The following CNTN5 variants were observed in gnomAD, a reference collection of about 807,000 sequenced individuals.
CNTN5 encodes the protein contactin 5.
Under a neutral mutation model 129.1 loss-of-function variants are expected in CNTN5, and 77 were observed. The ratio of observed to expected loss-of-function variants is 0.60; its 90% CI spans 0.50 to 0.72. The LOEUF (loss-of-function observed/expected upper bound fraction) is 0.72. CNTN5 is among the 30% of genes least tolerant of loss of function. The pLI is 0.00. For missense variants in CNTN5, 1,478 were observed against 1,328.8 expected, an observed-to-expected ratio of 1.11 and a Z score of -1.75; for synonymous variants, 509 against 465.6, an observed-to-expected ratio of 1.09 and a Z score of -1.20.
At chr11:99,306,495 A>G (rs1864879494) in intron 1 of CNTN5, among the ~76,000 whole-genome samples, 1 of 152,172 alleles carries the variant, frequency 6.6e-6, no homozygotes, top group African/African-American at 2.4e-5. Flanking sequence ...AACTTCAATT[A>G]GCTCACACTG....
intron 8 of CNTN5, among the ~76,000 whole-genome samples, chr11:99,980,706 G>T (rs1233843677): frequency 6.6e-6 from 1 of 151,902 alleles, no homozygotes; most frequent in Non-Finnish European, 1.5e-5. Flanking sequence ...GATTCTTTTT[G>T]TTTTTTATTT....
intron 2 of CNTN5, among the ~76,000 whole-genome samples, chr11:99,406,801 C>G (rs1197474084): frequency 6.6e-6 from 1 of 152,166 alleles, no homozygotes; most frequent in Non-Finnish European, 1.5e-5. Context: ...CTCCCATTTT[C>G]AAAGGCAGAG....
chr11:99,973,045 TG>T (rs1565741079), intron 8 of CNTN5, among the ~76,000 whole-genome samples: 2 of 151,760 alleles, frequency 1.3e-5, no homozygotes, highest in Non-Finnish European at 2.9e-5. Context: ...TAGATAGGGT[TG>T]CCTAAAAAAA....
At chr11:99,607,941 G>T (rs1403793109) in intron 3 of CNTN5, among the ~76,000 whole-genome samples, 1 of 113,050 alleles carries the variant, frequency 8.8e-6, no homozygotes, top group Non-Finnish European at 1.8e-5. Context: ...CACACTCTGG[G>T]GACTGTGGTG....
At chr11:99,305,818 T>C (rs1355420113) in intron 1 of CNTN5, among the ~76,000 whole-genome samples, 1 of 151,576 alleles carries the variant, frequency 6.6e-6, no homozygotes, top group East Asian at 1.9e-4. Context: ...CCATCTCTAC[T>C]AAAAATACAA....
At chr11:100,197,739 G>A (rs1948682189) in intron 15 of CNTN5, among the ~76,000 whole-genome samples, 2 of 151,976 alleles carry the variant, frequency 1.3e-5, no homozygotes, top group South Asian at 4.1e-4. Flanking sequence ...GCATAAAGAA[G>A]TGTTACACTG....
At chr11:100,141,393 G>A (rs1314610518) in intron 13 of CNTN5, among the ~76,000 whole-genome samples, 2 of 152,074 alleles carry the variant, frequency 1.3e-5, no homozygotes, top group African/African-American at 4.8e-5. Context: ...ACGAACAGTT[G>A]GGACTTCCTA....
At chr11:99,494,450 T>G (rs1415103535) in intron 2 of CNTN5, among the ~76,000 whole-genome samples, 1 of 152,186 alleles carries the variant, frequency 6.6e-6, no homozygotes, top group Non-Finnish European at 1.5e-5. Flanking sequence ...GGATAAATAA[T>G]TGCTTCACAA....
At chr11:99,080,116 ATTGT>A (rs1865729529) in intron 1 of CNTN5, among the ~76,000 whole-genome samples, 1 of 152,194 alleles carries the variant, frequency 6.6e-6, no homozygotes, top group African/African-American at 2.4e-5. Context: ...TTTATGGTAA[ATTGT>A]TTATTATTGA....
chr11:99,037,821 A>G (rs562599570), intron 1 of CNTN5, among the ~76,000 whole-genome samples: 6 of 151,616 alleles, frequency 4.0e-5, no homozygotes, highest in African/African-American at 7.2e-5. Context: ...CTCATGATCC[A>G]AAAGTGCTGG....
intron 13 of CNTN5, among the ~76,000 whole-genome samples, chr11:100,127,651 C>CTTT (rs66468227): frequency 0.038 from 3,063 of 81,242 alleles, 364 homozygotes; most frequent in African/African-American, 0.11. Flanking sequence ...TTCTTTCTTT[C>CTTT]TTTTTTTTTT....
intron 9 of CNTN5, among the ~76,000 whole-genome samples, chr11:100,004,607 G>C (rs1039506800): frequency 1.3e-5 from 2 of 152,174 alleles, no homozygotes; most frequent in Non-Finnish European, 2.9e-5. Flanking sequence ...CATTTCAATA[G>C]AATTTAGTAA....
At chr11:100,315,417 T>A (rs1400950938) in intron 21 of CNTN5, among the ~76,000 whole-genome samples, 1 of 152,204 alleles carries the variant, frequency 6.6e-6, no homozygotes, top group Non-Finnish European at 1.5e-5. Flanking sequence ...AGAATGGTCA[T>A]GGCAATTAAG....
At chr11:99,451,221 G>A (rs1591080608) in intron 2 of CNTN5, among the ~76,000 whole-genome samples, 1 of 152,098 alleles carries the variant, frequency 6.6e-6, no homozygotes, top group African/African-American at 2.4e-5. Context: ...ACCTGGAATC[G>A]TTTCTTATTG....
intron 2 of CNTN5, among the ~76,000 whole-genome samples, chr11:99,509,066 C>G (rs1006684668): frequency 2.5e-4 from 38 of 152,202 alleles, no homozygotes; most frequent in Non-Finnish European, 5.1e-4. Flanking sequence ...AGATACAACA[C>G]TTACACAGAT....
chr11:100,254,939 A>G (rs1185791568), intron 16 of CNTN5, among the ~76,000 whole-genome samples: 3 of 152,248 alleles, frequency 2.0e-5, no homozygotes, highest in African/African-American at 7.2e-5. Flanking sequence ...CATTTTTAAA[A>G]TACTATTCAA....
In CNTN5 at chr11:99,139,465, C is replaced by T. The variant is rs539748315; in HGVS notation, c.-210+118195C>T. On this transcript the variant is annotated intron_variant, in intron 1 of 24. Transcript: ENST00000524871. ...TGTGTGGTGACCTAAATAAAAAATGCTAATTGAAGAGAAAATAATACTTTC... is the reference window on the plus strand; with the variant it reads ...TGTGTGGTGACCTAAATAAAAAATGTTAATTGAAGAGAAAATAATACTTTC... Among the ~76,000 whole-genome samples the T allele has an allele frequency of 1.6e-4, 25 of 152,036 alleles. No individual in the cohort carries two copies. The South Asian group carries it at 3.1e-3, about 19-fold the overall frequency.
At chr11:99,045,611 T>C (rs1864174244) in intron 1 of CNTN5, among the ~76,000 whole-genome samples, 1 of 152,234 alleles carries the variant, frequency 6.6e-6, no homozygotes, top group Non-Finnish European at 1.5e-5. Context: ...GGACAATTTT[T>C]TGAAGTATGC....
intron 13 of CNTN5, among the ~76,000 whole-genome samples, chr11:100,140,004 G>A (rs993828950): frequency 1.8e-4 from 28 of 152,310 alleles, no homozygotes; most frequent in African/African-American, 6.0e-4. Context: ...CTAGCGCACA[G>A]TAGAAAGGTT....
Sources: gnomAD v4.1 joint callset for allele counts (sites outside exome capture counted in the v4.1 genomes callset) on GRCh38, gnomAD v4.1.1 for gene constraint, MANE v1.5 for transcripts, NCBI Gene and HGNC (gene_info 2026-07-23, HGNC 2026-07-21) for gene names.